TNRC18: variants seen among roughly 807,000 people sequenced by gnomAD.
TNRC18 encodes trinucleotide repeat containing 18.
A neutral mutation model predicts 226.7 loss-of-function variants in TNRC18; 69 were observed. The observed-to-expected ratio is 0.30, with a 90% CI of 0.25 to 0.37. The LOEUF is 0.37. Ranked by LOEUF, TNRC18 falls within the 10% of genes least tolerant of loss-of-function variation. The probability of loss-of-function intolerance (pLI) is 1.00; values close to 1 mark genes in which losing one functional copy is unlikely to be tolerated. For missense variants in TNRC18, 4,754 were observed against 4,256.6 expected (o/e 1.12, Z -3.25); for synonymous variants, 2,449 against 1,927.6 (o/e 1.27, Z -7.09).
chr7:5,392,502 T>C (rs538425005), intron 3 of TNRC18, among the ~76,000 whole-genome samples: 65 of 152,176 alleles, frequency 4.3e-4, no homozygotes, highest in African/African-American at 1.3e-3. Context: ...TAATCCCAGC[T>C]ACTCAGGAGG....
At chr7:5,381,852 G>C (rs1047681089) in intron 5 of TNRC18, among the ~76,000 whole-genome samples, 1 of 152,118 alleles carries the variant, frequency 6.6e-6, no homozygotes, top group Non-Finnish European at 1.5e-5. Flanking sequence ...TGTAATCCCA[G>C]CAACTCAGGA....
Position 5,396,343 on chromosome 7 carries a change from G to A in TNRC18, c.188-1748C>T, listed in dbSNP as rs551255883. 7.4e-4 allele frequency among the ~76,000 whole-genome samples: 112 copies of A among 152,018 alleles called. 2 individuals are homozygous for A. The South Asian group carries it at 0.022, about 29-fold the overall frequency. ...CGCCTGGGCAACAGAGTGAGACTCC[G>A]TCTCAAAAAAAAACAATATAATGAT... On this transcript the variant is annotated intron_variant, in intron 2 of 29. Transcript: ENST00000430969.
At position 5,398,608 on chromosome 7, in the gene TNRC18, C is replaced by T. The variant is rs1562617828; in HGVS notation, c.188-4013G>A. ...TGCTGGGATTACAGGCATGAGCCAC[C>T]GTGCCCGGCCTCTTTTCTTTTTTTT... On this transcript the variant is annotated intron_variant, in intron 2 of 29. Transcript: ENST00000430969. 2.0e-5 allele frequency among the ~76,000 whole-genome samples: 3 copies of T among 150,516 alleles called. No individual in the cohort carries two copies. The Admixed American group carries it at 2.0e-4, about 10-fold the overall frequency.
At chr7:5,373,202 T>C (rs1359960863) in intron 10 of TNRC18, among the ~76,000 whole-genome samples, 2 of 152,146 alleles carry the variant, frequency 1.3e-5, no homozygotes, top group African/African-American at 4.8e-5. Context: ...TGCGTGCCTA[T>C]GGTCCCAGCT....
At chr7:5,336,668 G>T (rs1360900587) in intron 18 of TNRC18, among the ~76,000 whole-genome samples, 2 of 152,190 alleles carry the variant, frequency 1.3e-5, no homozygotes, top group African/African-American at 4.8e-5. Flanking sequence ...CCTGAGCCCA[G>T]GAGGTTGAGG....
Position 5,394,936 on chromosome 7 carries a change from C to T in TNRC18, c.188-341G>A, listed in dbSNP as rs1322767396. Among the ~76,000 whole-genome samples the T allele has an allele frequency of 3.3e-5, 5 of 152,206 alleles. No homozygotes were observed. The highest frequency in any genetic ancestry group is 7.3e-5 in the Non-Finnish European group (5 of 68,034). ...AGATCCGGCCCGGCACCATTCTCCC[C>T]ATCTGCAGGTGGAATCCTGAAGTCG... On this transcript the variant is annotated intron_variant, in intron 2 of 29. Transcript: ENST00000430969. This position sits in a 1 kb window ranked among gnomAD's most constrained non-coding sequence, Gnocchi z 4.5.
At chr7:5,359,743 A>G (rs563070728) in intron 14 of TNRC18, among the ~76,000 whole-genome samples, 174 bp from the exon 15 acceptor site, 3 of 152,294 alleles carry the variant, frequency 2.0e-5, no homozygotes, top group African/African-American at 4.8e-5. Context: ...GAATTCTGGG[A>G]TATTTGTGAA....
intron 14 of TNRC18, among the ~76,000 whole-genome samples, chr7:5,360,142 G>C (rs947089550): frequency 1.3e-5 from 2 of 152,206 alleles, no homozygotes; most frequent in African/African-American, 2.4e-5. Flanking sequence ...CTCACTCACT[G>C]TGTGTCTTGC....
rs1554273841 is a variant in TNRC18, at chr7:5,327,399, G to GTGTGTC, written c.6148-2152_6148-2151insGACACA. On this transcript the variant is annotated intron_variant, in intron 19 of 29. Coordinates refer to ENST00000430969, the MANE Select transcript of TNRC18 (RefSeq NM_001080495.3). ...TGTGTGTGTGTGTGTGTGTGTGTGT[G>GTGTGTC]TGTGTGTGTGTGTCTGTGTGTTTTA... is the stretch of plus-strand genomic sequence containing the variant. Among the ~76,000 whole-genome samples, 8 of 138,202 alleles carry GTGTGTC rather than the reference G, an allele frequency of 5.8e-5. No individual in the cohort carries two copies. The East Asian group carries it at 1.2e-3, about 21-fold the overall frequency. The allele number at this position is 138,202 out of a possible 152,430, so 90.7% of individuals were successfully genotyped here.
In TNRC18 at chr7:5,321,166, T is replaced by C. The variant is rs1384767406; in HGVS notation, c.6467A>G (p.Lys2156Arg). The change falls in exon 22 of 30, where the codon AAG (lysine) becomes AGG (arginine). Residue 2156 changes from lysine (K) to arginine (R), a missense_variant. Coordinates refer to ENST00000430969, the MANE Select transcript of TNRC18 (RefSeq NM_001080495.3). ...ACGCAGGCCGTCCTTCAGCTCATCCTTGTCGATGATGCAGGAGCGAGGGGC... is the reference window on the plus strand; with the variant it reads ...ACGCAGGCCGTCCTTCAGCTCATCCCTGTCGATGATGCAGGAGCGAGGGGC... ...TPAPRSCIIDKDELKDGLRVL... is the reference protein window; with the variant it reads ...TPAPRSCIIDRDELKDGLRVL... The C allele has an allele frequency of 5.8e-6, 9 of 1,551,812 alleles. No homozygotes were observed. Among genetic ancestry groups the C allele is most frequent in the African/African-American group, 2.7e-5 (2 of 73,120 alleles).
Position 5,388,869 on chromosome 7 carries a change from G to A in TNRC18, c.955C>T (p.Arg319Trp), listed in dbSNP as rs946651548. 1.2e-5 allele frequency: 15 copies of A among 1,289,962 alleles called. No individual in the cohort carries two copies. The highest frequency in any genetic ancestry group is 8.3e-5 in the South Asian group (5 of 60,278). 79.9% of individuals were successfully genotyped at this position (1,289,962 alleles called of 1,614,324 possible). A position where few individuals can be genotyped will look rare whatever the true frequency, so the allele number is the denominator to read the frequency against. Residue 319 changes from arginine to tryptophan, a missense_variant, in exon 5 of 30, where the codon CGG becomes TGG. Coordinates refer to ENST00000430969, the MANE Select transcript of TNRC18 (RefSeq NM_001080495.3). ...CCAGGGAGCAGGGTCTCCGTGCGCC[G>A]CAGCAGCCGCGCGCCCTCGTCCTGC... ...ARQDEGARLLRRTETLLPGPR... is the reference protein window; with the variant it reads ...ARQDEGARLLWRTETLLPGPR...
At chr7:5,410,663 C>T (rs888099544) in intron 2 of TNRC18, among the ~76,000 whole-genome samples, 1 of 151,352 alleles carries the variant, frequency 6.6e-6, no homozygotes, top group Non-Finnish European at 1.5e-5. Context: ...GCCAGAAGTT[C>T]GAAACCAGCC....
At chr7:5,327,218 C>G (rs994816392) in intron 19 of TNRC18, among the ~76,000 whole-genome samples, 1 of 152,052 alleles carries the variant, frequency 6.6e-6, no homozygotes, top group African/African-American at 2.4e-5. Context: ...TCAAATGCTA[C>G]CAAGACAACA....
rs1012463247 is a variant in TNRC18, at chr7:5,370,327, A to G, written c.4219+48T>C. On this transcript the variant is annotated intron_variant, in intron 11 of 29. Transcript: ENST00000430969. ...AACACAGCAAGACCCCATCACCACA[A>G]AACTAAAACTCACGAATCTGCAGAA... The G allele has an allele frequency of 5.3e-6, 8 of 1,502,990 alleles. No individual in the cohort carries two copies. The African/African-American group carries it at 9.7e-5, about 18-fold the overall frequency. 93.1% of individuals were successfully genotyped at this position (1,502,990 alleles called of 1,614,324 possible).
chr7:5,390,215 G>C (rs943004785), intron 4 of TNRC18: 3 of 520,804 alleles, frequency 5.8e-6, no homozygotes, highest in South Asian at 3.3e-5. Flanking sequence ...AAGTTAAAAA[G>C]TCAGCTGGCT....
intron 5 of TNRC18, among the ~76,000 whole-genome samples, chr7:5,384,946 T>G (rs1317483669): frequency 2.6e-5 from 4 of 152,176 alleles, no homozygotes; most frequent in Non-Finnish European, 4.4e-5. Flanking sequence ...TGAAGAGAAT[T>G]CCAAGACAAG....
At chr7:5,325,057 G>A (rs1788753979) in intron 20 of TNRC18, 39 bp downstream of exon 20, 1 of 1,546,662 alleles carries the variant, frequency 6.5e-7, no homozygotes, top group Non-Finnish European at 8.7e-7. Flanking sequence ...GCATGGCTGA[G>A]CCCCCCACAG....
intron 2 of TNRC18, among the ~76,000 whole-genome samples, chr7:5,402,340 C>A (rs562679253): frequency 6.6e-6 from 1 of 151,604 alleles, no homozygotes; most frequent in South Asian, 2.1e-4. Flanking sequence ...TTGAGACCAG[C>A]CTGGGCAACA....
rs557743431 is a variant in TNRC18, at chr7:5,333,039, G to A, written c.5730C>T (p.Phe1910=). The A allele has an allele frequency of 7.0e-6, 11 of 1,575,690 alleles. No individual in the cohort carries two copies. The African/African-American group carries it at 1.2e-4, about 17-fold the overall frequency. ...EERQSLLGTE[F]EYTDSESEVK... Reference sequence around the variant, plus strand: ...CCTCGCTCTCTGAGTCGGTGTACTCGAACTCTGTGCCTGAACGCGGGAGGA... The same window carrying A: ...CCTCGCTCTCTGAGTCGGTGTACTCAAACTCTGTGCCTGAACGCGGGAGGA... Residue 1910 remains phenylalanine (F), a synonymous_variant, in exon 19 of 30, where the codon TTC becomes TTT. Coordinates refer to ENST00000430969, the MANE Select transcript of TNRC18 (RefSeq NM_001080495.3).
Sources: gnomAD v4.1 joint callset for allele counts (sites outside exome capture counted in the v4.1 genomes callset) on GRCh38, gnomAD v4.1.1 for gene constraint, Gnocchi (gnomAD v3.1) non-coding constraint, MANE v1.5 for transcripts, NCBI Gene and HGNC (gene_info 2026-07-23, HGNC 2026-07-21) for gene names.